The following USP6 variants were observed in gnomAD, a reference collection of about 807,000 sequenced individuals.
The protein encoded by USP6 is ubiquitin specific peptidase 6.
A neutral mutation model predicts 175.7 loss-of-function variants in USP6; 128 were observed. The ratio of observed to expected loss-of-function variants is 0.73; its 90% CI spans 0.63 to 0.84. The LOEUF is 0.84. USP6 is among the 40% of genes least tolerant of loss of function. USP6 has a pLI of 0.00. For missense variants in USP6, 1,498 were observed against 1,760.3 expected, an observed-to-expected ratio of 0.85 and a Z score of 2.67; for synonymous variants, 562 against 630.6, an observed-to-expected ratio of 0.89 and a Z score of 1.63.
rs2074219174 is a variant in USP6, at chr17:5,171,642, A to T, written c.4010A>T (p.Asn1337Ile). Residue 1337 changes from asparagine to isoleucine, a missense_variant, in exon 37 of 38, where the codon AAC becomes ATC. Transcript: ENST00000574788. ...TACATCACTTATGCCAAAAACCCAA[A>T]CTGCAAGTGGTACTGTTATAATGAC... Reference protein sequence around the residue: ...GHYITYAKNPNCKWYCYNDSS... With the variant: ...GHYITYAKNPICKWYCYNDSS... The T allele has an allele frequency of 6.2e-7, 1 of 1,613,818 alleles. No homozygotes were observed. Among genetic ancestry groups the T allele is most frequent in the East Asian group, 2.2e-5 (1 of 44,858 alleles).
chr17:5,136,754 G>A lies in USP6; in HGVS notation c.759+20G>A, dbSNP rs1232450886. 19 of 1,611,094 alleles carry A rather than the reference G, an allele frequency of 1.2e-5. No individual in the cohort carries two copies. Among genetic ancestry groups the A allele is most frequent in the Non-Finnish European group, 1.6e-5 (19 of 1,178,728 alleles). On this transcript the variant is annotated intron_variant, in intron 18 of 37. Transcript: ENST00000574788. ...CATCAGGTGAGTTTATGGTCCCCTC[G>A]GCTCTTCTCAGAGGCCCTGCCTCCT...
Position 5,124,894 on chromosome 17 carries a change from G to T in USP6, c.-970G>T, listed in dbSNP as rs2072838165. On this transcript the variant is annotated 5_prime_UTR_variant, in exon 5 of 38. Coordinates refer to ENST00000574788, the MANE Select transcript of USP6 (RefSeq NM_001304284.2). ...GTGTAGGTATGCAAGGTAATTTTGG[G>T]TGGTTCAAGGTGAATAATTTCAATT... 1 of 152,196 alleles carries T rather than the reference G, an allele frequency of 6.6e-6. No individual in the cohort carries two copies. Among genetic ancestry groups the T allele is most frequent in the African/African-American group, 2.4e-5 (1 of 41,438 alleles). The allele number at this position is 152,196 out of a possible 1,614,324, so 9.4% of individuals were successfully genotyped here. A position where few individuals can be genotyped will look rare whatever the true frequency, so the allele number is the denominator to read the frequency against.
chr17:5,149,118 CCT>C (rs1236918071), intron 30 of USP6, among the ~76,000 whole-genome samples: 1 of 151,840 alleles, frequency 6.6e-6, no homozygotes, highest in Non-Finnish European at 1.5e-5. Flanking sequence ...ATTTGTGTCT[CCT>C]GGCCAGGTGC....
At position 5,173,366 on chromosome 17, in the gene USP6, G is replaced by A. The variant is rs1262933829; in HGVS notation, c.*388G>A. 9 of 233,148 alleles carry A rather than the reference G, an allele frequency of 3.9e-5. No homozygotes were observed. Among genetic ancestry groups the A allele is most frequent in the Non-Finnish European group, 6.8e-5 (8 of 118,316 alleles). 14.4% of individuals were successfully genotyped at this position (233,148 alleles called of 1,614,324 possible). A position where few individuals can be genotyped will look rare whatever the true frequency, so the allele number is the denominator to read the frequency against. On this transcript the variant is annotated 3_prime_UTR_variant, in exon 38 of 38. Transcript: ENST00000574788. The stretch of plus-strand genomic sequence containing the variant: ...AGAGGAAAAAACAAACAATTATAAT[G>A]TTGTCTAGGGACGACATGATACGCT...
At chr17:5,146,941 T>C (rs2073628434) in intron 28 of USP6, 142 bp from the exon 29 acceptor site, 2 of 826,292 alleles carry the variant, frequency 2.4e-6, no homozygotes, top group Non-Finnish European at 3.7e-6. Flanking sequence ...TCATCCTTTA[T>C]GTAGTTGAAA....
At chr17:5,160,161 G>A (rs1218306321) in intron 31 of USP6, among the ~76,000 whole-genome samples, 2 of 152,124 alleles carry the variant, frequency 1.3e-5, no homozygotes, top group South Asian at 2.1e-4. Context: ...GGCCTGAGTT[G>A]GACATGGTAC....
chr17:5,166,375 G>C (rs1485683405), intron 33 of USP6, among the ~76,000 whole-genome samples: 1 of 152,134 alleles, frequency 6.6e-6, no homozygotes, highest in East Asian at 1.9e-4. Context: ...GCATTTGACA[G>C]CCTCGTGACT....
At chr17:5,118,677 A>C (rs558070284) in intron 2 of USP6, among the ~76,000 whole-genome samples, 1 of 152,322 alleles carries the variant, frequency 6.6e-6, no homozygotes, top group East Asian at 1.9e-4. Flanking sequence ...TCCAAAAAGA[A>C]TGAGGTTGTG....
chr17:5,162,553 T>C (rs2074024993), intron 32 of USP6, among the ~76,000 whole-genome samples: 1 of 152,230 alleles, frequency 6.6e-6, no homozygotes, highest in Admixed American at 6.5e-5. Context: ...ATAACTGAAT[T>C]TGGAATTTCT....
rs1029605341 is a variant in USP6 at position 5,132,955 on chromosome 17, C to T, written c.241C>T (p.Leu81=). ...MTRTSKWMEM[L]GEWETYKHSS... ...ACGAACGAGCAAGTGGATGGAAATG[C>T]TGGGAGAATGGGAGACATATAAGCA... Residue 81 remains leucine, a synonymous_variant, in exon 13 of 38, where the codon CTG becomes TTG. Coordinates refer to ENST00000574788, the MANE Select transcript of USP6 (RefSeq NM_001304284.2). The surrounding 1 kb of genome is among the most constrained non-coding windows in gnomAD (Gnocchi z 4.7). 3.1e-6 allele frequency: 5 copies of T among 1,614,126 alleles called. No homozygotes were observed. The highest frequency in any genetic ancestry group is 4.2e-6 in the Non-Finnish European group (5 of 1,180,002).
intron 30 of USP6, among the ~76,000 whole-genome samples, 175 bp from the exon 31 acceptor site, chr17:5,155,247 C>T (rs1333817085): frequency 6.6e-6 from 1 of 152,144 alleles, no homozygotes; most frequent in Admixed American, 6.5e-5. Context: ...TTTAATGACT[C>T]CACTGTAAAC....
rs2074290368 is a variant in USP6, at chr17:5,174,770, A to G, written c.*1792A>G. 5.0e-6 allele frequency: 1 copy of G among 200,464 alleles called. No homozygotes were observed. Among genetic ancestry groups the G allele is most frequent in the Admixed American group, 6.0e-5 (1 of 16,640 alleles). The allele number at this position is 200,464 out of a possible 1,614,324, so 12.4% of individuals were successfully genotyped here. A position where few individuals can be genotyped will look rare whatever the true frequency, so the allele number is the denominator to read the frequency against. On this transcript the variant is annotated 3_prime_UTR_variant, in exon 38 of 38. Transcript: ENST00000574788. Reference sequence around the variant, plus strand: ...TCATGAACTAGCGGAAAATTTATTAAATTAACTATTAACTACATTCACCTT... The same window carrying G: ...TCATGAACTAGCGGAAAATTTATTAGATTAACTATTAACTACATTCACCTT...
At chr17:5,133,832 A>G (rs2073160184) in intron 14 of USP6, 55 bp from the exon 15 acceptor site, 1 of 1,547,966 alleles carries the variant, frequency 6.5e-7, no homozygotes, top group Non-Finnish European at 8.9e-7. Flanking sequence ...CATTTGGGGC[A>G]GGGAGTCTTC....
chr17:5,146,001 A>G (rs745486321), intron 27 of USP6, 22 bp from the exon 28 acceptor site: 1 of 1,562,748 alleles, frequency 6.4e-7, no homozygotes. Flanking sequence ...TTTACTGATA[A>G]AAGATCTTTT....
chr17:5,141,388 A>G, intron 22 of USP6, 37 bp from the exon 23 acceptor site: 1 of 1,555,306 alleles, frequency 6.4e-7, no homozygotes, highest in East Asian at 2.3e-5. Context: ...TAAATTAGAC[A>G]GATAAGAAAT....
chr17:5,141,499 G>A lies in USP6; in HGVS notation c.1573G>A (p.Val525Ile), dbSNP rs2304449. ...TAGTAGTAAAATAGATAGACAAAAG[G>A]GTAAGTCTCCAGTATTATTTTTTAA... ...ANSSKIDRQK[V>I]PTEKGATGLS... Residue 525 changes from valine to isoleucine, a missense_variant and splice_region_variant, in exon 23 of 38, where the codon GTT (valine) becomes ATT (isoleucine). Transcript: ENST00000574788. The A allele has an allele frequency of 0.063, 100,464 of 1,592,874 alleles. 3,580 individuals are homozygous for A. The highest frequency in any genetic ancestry group is 0.15 in the East Asian group (6,798 of 44,474).
chr17:5,137,313 C>T, intron 19 of USP6, 127 bp downstream of exon 19: 1 of 1,236,084 alleles, frequency 8.1e-7, no homozygotes, highest in Non-Finnish European at 1.2e-6. Flanking sequence ...GAAGGACACA[C>T]AAGCAAAACC....
rs59282298 is a variant in USP6 at position 5,117,515 on chromosome 17, C to CAA, written c.-1927-669_-1927-668dup. 2.5e-3 allele frequency among the ~76,000 whole-genome samples: 153 copies of CAA among 61,940 alleles called. 1 individual carries two copies. The highest frequency in any genetic ancestry group is 7.1e-3 in the African/African-American group (132 of 18,472). 40.6% of individuals were successfully genotyped at this position (61,940 alleles called of 152,430 possible). ...TGGGCGACAGAGCGAGACTCCGTCT[C>CAA]AAAAAAAAAAAAAAAAAGCTCAATA... On this transcript the variant is annotated intron_variant, in intron 1 of 37. Transcript: ENST00000574788.
chr17:5,139,179 C>G, intron 21 of USP6, 76 bp from the exon 22 acceptor site: 6 of 1,598,250 alleles, frequency 3.8e-6, no homozygotes, highest in Non-Finnish European at 5.1e-6. Flanking sequence ...TCCAGAGATG[C>G]AGGCAGGTGG....
Sources: allele counts gnomAD v4.1 joint callset (sites outside exome capture counted in the v4.1 genomes callset), GRCh38; gene constraint gnomAD v4.1.1; non-coding constraint Gnocchi (gnomAD v3.1); transcripts MANE v1.5; gene names NCBI Gene and HGNC (gene_info 2026-07-23, HGNC 2026-07-21).